Variants in LTV1 observed in about 807,000 individuals in gnomAD.
LTV1 encodes protein LTV1 homolog.
LTV1 carries 39 observed loss-of-function variants against 59.9 expected under a neutral mutation model. That is an observed-to-expected ratio of 0.65 (90% CI 0.50 to 0.85). The LOEUF (loss-of-function observed/expected upper bound fraction) is 0.85, where lower values mean the gene tolerates loss of function less well. Ranked by LOEUF, LTV1 falls within the 40% of genes least tolerant of loss-of-function variation. The pLI is 0.00. For missense variants in LTV1, 493 were observed against 549.1 expected (o/e 0.90, Z 1.02); for synonymous variants, 171 against 189.5 (o/e 0.90, Z 0.80).
chr6:143,852,058 G>T (rs1776992105), intron 4 of LTV1, among the ~76,000 whole-genome samples: 1 of 152,154 alleles, frequency 6.6e-6, no homozygotes, highest in African/African-American at 2.4e-5. Context: ...CTTTATAGTA[G>T]AATGATTTAT....
intron 4 of LTV1, among the ~76,000 whole-genome samples, chr6:143,853,442 T>C (rs1777018836): frequency 6.6e-6 from 1 of 152,222 alleles, no homozygotes; most frequent in African/African-American, 2.4e-5. Flanking sequence ...CCTCTCTTCC[T>C]ATTGGAATAC....
In LTV1 at chr6:143,862,132, T is replaced by C. The variant is rs77708266; in HGVS notation, c.952T>C (p.Leu318=). 2.6e-3 allele frequency: 4,271 copies of C among 1,614,012 alleles called. 87 individuals carry two copies. In the African/African-American group the frequency reaches 0.05, roughly 19 times the overall value. The change falls in exon 8 of 11, where the codon TTG becomes CTG. Residue 318 remains leucine, a synonymous_variant. Coordinates refer to ENST00000367576, the MANE Select transcript of LTV1 (RefSeq NM_032860.5). The surrounding 1 kb of genome is among the most constrained non-coding windows in gnomAD (Gnocchi z 4.2). The part of the protein sequence containing the change: ...NCVKLNTLEP[L]EDQDLPMNEL... ...TGTAAAATTGAATACCCTTGAACCC[T>C]TGGAGGATCAAGACCTGCCAATGAA...
At chr6:143,843,603 C>T (rs1358335966) in intron 1 of LTV1, 123 bp downstream of exon 1, 6 of 1,296,756 alleles carry the variant, frequency 4.6e-6, no homozygotes, top group African/African-American at 1.5e-5. Flanking sequence ...GCTTGCGGCA[C>T]GGTACCCCGA....
chr6:143,845,226 C>G (rs1258578694), intron 2 of LTV1, among the ~76,000 whole-genome samples: 2 of 152,070 alleles, frequency 1.3e-5, no homozygotes, highest in Non-Finnish European at 2.9e-5. Flanking sequence ...TATTAAGACT[C>G]TTAATGTTAC....
In LTV1 at chr6:143,843,390, C is replaced by A. The variant is rs1264939136; in HGVS notation, c.-88C>A. 2.0e-6 allele frequency: 3 copies of A among 1,525,520 alleles called. No individual in the cohort carries two copies. The highest frequency in any genetic ancestry group is 2.7e-6 in the Non-Finnish European group (3 of 1,105,092). 94.5% of individuals were successfully genotyped at this position (1,525,520 alleles called of 1,614,324 possible). Reference sequence around the variant, plus strand: ...GCACGTGTGGTGAGGCCTACAGAAGCGGCCTTCAGCTGGACCTTGGTCTCC... The same window carrying A: ...GCACGTGTGGTGAGGCCTACAGAAGAGGCCTTCAGCTGGACCTTGGTCTCC... On this transcript the variant is annotated 5_prime_UTR_variant, in exon 1 of 11. Coordinates refer to ENST00000367576, the MANE Select transcript of LTV1 (RefSeq NM_032860.5).
Position 143,857,246 on chromosome 6 carries a change from A to G in LTV1, c.398-57A>G. On this transcript the variant is annotated intron_variant, in intron 4 of 10. Coordinates refer to ENST00000367576, the MANE Select transcript of LTV1 (RefSeq NM_032860.5). The surrounding 1 kb of genome is among the most constrained non-coding windows in gnomAD (Gnocchi z 5.2). ...TCATAGGTCCTTATATTGTGAGTTA[A>G]GTGAATGAATTGTTGCTATCTTGGG... 6.3e-7 allele frequency: 1 copy of G among 1,599,460 alleles called. No individual in the cohort carries two copies. The highest frequency in any genetic ancestry group is 1.3e-5 in the African/African-American group (1 of 74,582).
Position 143,857,054 on chromosome 6 carries a change from G to A in LTV1, c.398-249G>A, listed in dbSNP as rs776078201. Reference sequence around the variant, plus strand: ...CCCACAGCCGCCCCTTCCCCCAGGTGCTCTGTCCCAGGAAGATGGGAGTTT... The same window carrying A: ...CCCACAGCCGCCCCTTCCCCCAGGTACTCTGTCCCAGGAAGATGGGAGTTT... On this transcript the variant is annotated intron_variant, in intron 4 of 10. Coordinates refer to ENST00000367576, the MANE Select transcript of LTV1 (RefSeq NM_032860.5). The surrounding 1 kb of genome is among the most constrained non-coding windows in gnomAD (Gnocchi z 5.2). Among the ~76,000 whole-genome samples, 1 of 152,220 alleles carries A rather than the reference G, an allele frequency of 6.6e-6. No homozygotes were observed. Among genetic ancestry groups the A allele is most frequent in the Non-Finnish European group, 1.5e-5 (1 of 68,048 alleles).
chr6:143,846,883 T>G (rs1410969426), intron 3 of LTV1, among the ~76,000 whole-genome samples: 1 of 152,036 alleles, frequency 6.6e-6, no homozygotes, highest in African/African-American at 2.4e-5. Context: ...CCTAGCACTT[T>G]AAAAAAAGGA....
chr6:143,851,575 A>ATT (rs905284991), intron 4 of LTV1, among the ~76,000 whole-genome samples: 1 of 147,414 alleles, frequency 6.8e-6, no homozygotes, highest in Non-Finnish European at 1.5e-5. Context: ...TTCTTTTTTC[A>ATT]TTTTTTTTTT....
intron 4 of LTV1, among the ~76,000 whole-genome samples, chr6:143,854,821 T>A (rs1777045757): frequency 6.6e-6 from 1 of 152,236 alleles, no homozygotes; most frequent in Non-Finnish European, 1.5e-5. Context: ...CTGTTTGTTA[T>A]GATTGCCATT....
intron 3 of LTV1, among the ~76,000 whole-genome samples, 177 bp from the exon 4 acceptor site, chr6:143,849,954 C>T (rs1582936166): frequency 1.3e-5 from 2 of 152,094 alleles, no homozygotes; most frequent in Non-Finnish European, 2.9e-5. Flanking sequence ...CATGTGGTCT[C>T]GTTATAGGAC....
chr6:143,857,531 A>G lies in LTV1; in HGVS notation c.539+87A>G. The G allele has an allele frequency of 2.4e-6, 3 of 1,270,196 alleles. No homozygotes were observed. Among genetic ancestry groups the G allele is most frequent in the Non-Finnish European group, 3.4e-6 (3 of 891,848 alleles). 78.7% of individuals were successfully genotyped at this position (1,270,196 alleles called of 1,614,324 possible). The stretch of plus-strand genomic sequence containing the variant: ...GTAACCATAGAACGTTACAGTTGGA[A>G]GAGACCTTCAAGAGCATTTAATCTG... On this transcript the variant is annotated intron_variant, in intron 5 of 10. Transcript: ENST00000367576. This position sits in a 1 kb window ranked among gnomAD's most constrained non-coding sequence, Gnocchi z 5.2.
chr6:143,845,602 T>C (rs753474707), intron 2 of LTV1, among the ~76,000 whole-genome samples: 2 of 152,180 alleles, frequency 1.3e-5, no homozygotes, highest in African/African-American at 2.4e-5. Flanking sequence ...GGTCTTGAAC[T>C]CCAAGGCTCA....
rs758328566 is a variant in LTV1, at chr6:143,860,452, A to C, written c.822A>C (p.Glu274Asp). The change falls in exon 7 of 11, where the codon GAA (glutamate) becomes GAC (aspartate). Residue 274 changes from glutamate to aspartate, a missense_variant. Coordinates refer to ENST00000367576, the MANE Select transcript of LTV1 (RefSeq NM_032860.5). ...TTTATGAGCAATATGATGATGATGA[A>C]ATTGGAGCTCTGGATAATGCAGAAT... ...EKFYEQYDDDEIGALDNAELE... is the reference protein window; with the variant it reads ...EKFYEQYDDDDIGALDNAELE... The C allele has an allele frequency of 6.2e-7, 1 of 1,613,260 alleles. No homozygotes were observed. The highest frequency in any genetic ancestry group is 1.1e-5 in the South Asian group (1 of 90,896).
Position 143,850,205 on chromosome 6 carries a change from A to G in LTV1, c.384A>G (p.Ala128=), listed in dbSNP as rs201300419. Residue 128 remains alanine, a synonymous_variant, in exon 4 of 11, where the codon GCA becomes GCG. Coordinates refer to ENST00000367576, the MANE Select transcript of LTV1 (RefSeq NM_032860.5). ...FEEDVGLLNK[A]APVSGPRLDF... Reference sequence around the variant, plus strand: ...AAGATGTTGGATTGTTAAATAAAGCAGCTCCAGTTTCAGGTATTTTTAATT... The same window carrying G: ...AAGATGTTGGATTGTTAAATAAAGCGGCTCCAGTTTCAGGTATTTTTAATT... 1 of 1,613,052 alleles carries G rather than the reference A, an allele frequency of 6.2e-7. No homozygotes were observed. Among genetic ancestry groups the G allele is most frequent in the East Asian group, 2.2e-5 (1 of 44,840 alleles).
chr6:143,848,303 A>T (rs963631708), intron 3 of LTV1, among the ~76,000 whole-genome samples: 1 of 152,224 alleles, frequency 6.6e-6, no homozygotes, highest in Non-Finnish European at 1.5e-5. Context: ...TAATATCCTT[A>T]AAAAACATTA....
intron 4 of LTV1, among the ~76,000 whole-genome samples, chr6:143,850,900 G>T (rs1776970899): frequency 6.6e-6 from 1 of 152,192 alleles, no homozygotes; most frequent in South Asian, 2.1e-4. Flanking sequence ...ATAAATTACA[G>T]TATAGATGGA....
intron 6 of LTV1, 112 bp from the exon 7 acceptor site, chr6:143,860,314 T>C (rs1165662899): frequency 7.4e-6 from 6 of 814,600 alleles, no homozygotes; most frequent in African/African-American, 6.9e-5. Context: ...ATTGTGATAG[T>C]ACCTGAATAA....
chr6:143,863,151 C>T lies in LTV1; in HGVS notation c.1182C>T (p.Leu394=). Residue 394 remains leucine, a synonymous_variant, in exon 10 of 11, where the codon CTC becomes CTT. Transcript: ENST00000367576. The surrounding 1 kb of genome is among the most constrained non-coding windows in gnomAD (Gnocchi z 4.5). The part of the protein sequence containing the change: ...IPLNVLPKKG[L]TAKQTERIQM... ...TCAATGTCTTACCAAAGAAAGGACT[C>T]ACAGCAAAGCAAACTGAAAGAATAC... 1 of 1,613,906 alleles carries T rather than the reference C, an allele frequency of 6.2e-7. No homozygotes were observed. The highest frequency in any genetic ancestry group is 1.3e-5 in the African/African-American group (1 of 75,022).
Sources: gnomAD v4.1 joint callset for allele counts (sites outside exome capture counted in the v4.1 genomes callset) on GRCh38, gnomAD v4.1.1 for gene constraint, Gnocchi (gnomAD v3.1) non-coding constraint, MANE v1.5 for transcripts, NCBI Gene and HGNC (gene_info 2026-07-23, HGNC 2026-07-21) for gene names.